Variants in SYNJ1 observed in about 807,000 individuals in gnomAD.
SYNJ1 encodes synaptojanin 1, also known as polyphosphatidylinositol phosphatase SYNJ1.
In SYNJ1, 78 loss-of-function variants were observed where a neutral mutation model predicts 168.2. The ratio of observed to expected loss-of-function variants is 0.46; its 90% CI spans 0.39 to 0.56. The LOEUF is 0.56. Among genes scored for constraint, SYNJ1 ranks in the 20% least tolerant of loss-of-function variants. The probability of loss-of-function intolerance (pLI) is 0.00; values close to 1 mark genes in which losing one functional copy is unlikely to be tolerated. For synonymous variants in SYNJ1, 539 were observed against 548.6 expected, an observed-to-expected ratio of 0.98 and a Z score of 0.24; for missense variants, 1,303 against 1,597.6, an observed-to-expected ratio of 0.82 and a Z score of 3.14.
rs1017765033 is a variant in SYNJ1, at chr21:32,643,463, T to C, written c.3431-6A>G. The C allele has an allele frequency of 2.5e-6, 4 of 1,613,454 alleles. No homozygotes were observed. The highest frequency in any genetic ancestry group is 3.4e-6 in the Non-Finnish European group (4 of 1,179,568). Reference sequence around the variant, plus strand: ...ACTGGGAGGGGCTCCAATACCTTTTTAGAGAAAGAACAGAAACTATATATT... The same window carrying C: ...ACTGGGAGGGGCTCCAATACCTTTTCAGAGAAAGAACAGAAACTATATATT... On this transcript the variant is annotated splice_polypyrimidine_tract_variant and splice_region_variant and intron_variant, in intron 26 of 32. Transcript: ENST00000674351.
At chr21:32,709,987 T>G (rs1369247198) in intron 2 of SYNJ1, among the ~76,000 whole-genome samples, 2 of 151,754 alleles carry the variant, frequency 1.3e-5, no homozygotes, top group Non-Finnish European at 2.9e-5. Flanking sequence ...TCACTTGAAG[T>G]CAGGAGTTTG....
At position 32,630,023 on chromosome 21, in the gene SYNJ1, T is replaced by C. The variant is rs1254920521; in HGVS notation, c.*1782A>G. The C allele has an allele frequency of 1.3e-5, 2 of 152,178 alleles. No individual in the cohort carries two copies. Among genetic ancestry groups the C allele is most frequent in the African/African-American group, 4.8e-5 (2 of 41,442 alleles). 9.4% of individuals were successfully genotyped at this position (152,178 alleles called of 1,614,324 possible). ...GAGCAAAAGCAGCAAAAAGAAAATATGGGAGGGATATGGGCAACGTATACT... is the reference window on the plus strand; with the variant it reads ...GAGCAAAAGCAGCAAAAAGAAAATACGGGAGGGATATGGGCAACGTATACT... On this transcript the variant is annotated 3_prime_UTR_variant, in exon 33 of 33. Transcript: ENST00000674351.
At chr21:32,705,321 G>A (rs1034063279) in intron 2 of SYNJ1, among the ~76,000 whole-genome samples, 6 of 152,058 alleles carry the variant, frequency 3.9e-5, no homozygotes, top group African/African-American at 9.7e-5. Context: ...ACAGCAATGC[G>A]CATACCTAGC....
intron 2 of SYNJ1, among the ~76,000 whole-genome samples, chr21:32,725,172 A>G (rs2043401269): frequency 6.6e-6 from 1 of 152,184 alleles, no homozygotes; most frequent in Non-Finnish European, 1.5e-5. Flanking sequence ...ATTATGAGTA[A>G]TCATAATTAA....
At position 32,657,138 on chromosome 21, in the gene SYNJ1, G is replaced by T. The variant is rs754406649; in HGVS notation, c.2462-18C>A. ...ATCTTCAGCTGCAGTCAGAAGAAAT[G>T]AAAACACAAGAGAAGCTGTATAAGC... On this transcript the variant is annotated intron_variant, in intron 19 of 32. Coordinates refer to ENST00000674351, the MANE Select transcript of SYNJ1 (RefSeq NM_203446.3). 1.3e-5 allele frequency: 20 copies of T among 1,494,712 alleles called. No homozygotes were observed. The South Asian group carries it at 2.1e-4, about 16-fold the overall frequency. 92.6% of individuals were successfully genotyped at this position (1,494,712 alleles called of 1,614,324 possible). A position where few individuals can be genotyped will look rare whatever the true frequency, so the allele number is the denominator to read the frequency against.
At chr21:32,674,264 G>C (rs1363530706) in intron 13 of SYNJ1, among the ~76,000 whole-genome samples, 2 of 152,126 alleles carry the variant, frequency 1.3e-5, no homozygotes, top group Non-Finnish European at 2.9e-5. Flanking sequence ...CTTTGCACTG[G>C]CTGTGCCCAC....
intron 14 of SYNJ1, among the ~76,000 whole-genome samples, chr21:32,672,059 C>CAAAAAAAAAA (rs1160074724): frequency 1.2e-4 from 3 of 24,666 alleles, no homozygotes; most frequent in African/African-American, 1.8e-4. Context: ...AACTCAATCT[C>CAAAAAAAAAA]AAAAAAAAAA....
In SYNJ1 at chr21:32,631,239, T is replaced by C. The variant is rs2145656065; in HGVS notation, c.*566A>G. The C allele has an allele frequency of 6.2e-7, 1 of 1,614,226 alleles. No individual in the cohort carries two copies. On this transcript the variant is annotated 3_prime_UTR_variant, in exon 33 of 33. Transcript: ENST00000674351. The stretch of plus-strand genomic sequence containing the variant: ...TGAACAAGCTGACTTTGACTTCCCT[T>C]TCACACCAAAATCCTCTTCTTCCTC...
At chr21:32,693,724 AC>A (rs1226975929) in intron 6 of SYNJ1, among the ~76,000 whole-genome samples, 1 of 152,182 alleles carries the variant, frequency 6.6e-6, no homozygotes, top group Non-Finnish European at 1.5e-5. Context: ...AATCCTTACA[AC>A]AACCCTATAA....
chr21:32,645,562 C>T, intron 25 of SYNJ1, 84 bp downstream of exon 25: 1 of 1,412,560 alleles, frequency 7.1e-7, no homozygotes, highest in Non-Finnish European at 9.2e-7. Flanking sequence ...AATCCAGAAG[C>T]TAGAGATTGG....
At chr21:32,676,449 C>T in intron 12 of SYNJ1, 94 bp from the exon 13 acceptor site, 5 of 1,198,958 alleles carry the variant, frequency 4.2e-6, no homozygotes, top group Non-Finnish European at 6.0e-6. Flanking sequence ...TTGAGAAGAC[C>T]TCACTTAAGT....
At chr21:32,666,212 TA>T (rs2040924458) in intron 16 of SYNJ1, 77 bp from the exon 17 acceptor site, 1 of 1,499,886 alleles carries the variant, frequency 6.7e-7, no homozygotes, top group African/African-American at 1.4e-5. Flanking sequence ...GGAATATACA[TA>T]ATCATTTAAG....
rs113457201 is a variant in SYNJ1, at chr21:32,639,430, T to G, written c.3697+241A>C. Among the ~76,000 whole-genome samples the G allele has an allele frequency of 7.2e-5, 11 of 152,316 alleles. 1 individual carries two copies. Among genetic ancestry groups the G allele is most frequent in the African/African-American group, 2.6e-4 (11 of 41,562 alleles). On this transcript the variant is annotated intron_variant, in intron 30 of 32. Transcript: ENST00000674351. ...TTTTTGAGACAGGGTCTTGTTCTTT[T>G]GCCCAGGCTGGAGTGCAGTGGTGTG...
intron 22 of SYNJ1, among the ~76,000 whole-genome samples, chr21:32,650,607 A>G (rs182049957): frequency 6.6e-6 from 1 of 152,364 alleles, no homozygotes; most frequent in East Asian, 1.9e-4. Context: ...TTCCTTTGCT[A>G]CAACCACTAT....
At chr21:32,688,156 G>A (rs746180297) in intron 7 of SYNJ1, 150 bp downstream of exon 7, 82 of 688,886 alleles carry the variant, frequency 1.2e-4, no homozygotes, top group African/African-American at 8.7e-4. Context: ...CCCAGAAGTC[G>A]TAACACTAGG....
rs2039251373 is a variant in SYNJ1, at chr21:32,629,771, A to C, written c.*2034T>G. On this transcript the variant is annotated 3_prime_UTR_variant, in exon 33 of 33. Coordinates refer to ENST00000674351, the MANE Select transcript of SYNJ1 (RefSeq NM_203446.3). The stretch of plus-strand genomic sequence containing the variant: ...ATATCAAAATACTACATTCTGTAAA[A>C]ATTCTGTGTACTTCTTCAAAAAATT... 6.6e-6 allele frequency: 1 copy of C among 152,384 alleles called. No homozygotes were observed. The highest frequency in any genetic ancestry group is 1.5e-5 in the Non-Finnish European group (1 of 68,046). The allele number at this position is 152,384 out of a possible 1,614,324, so 9.4% of individuals were successfully genotyped here. A position where few individuals can be genotyped will look rare whatever the true frequency, so the allele number is the denominator to read the frequency against.
At chr21:32,651,818 TA>T (rs530057748) in intron 22 of SYNJ1, among the ~76,000 whole-genome samples, 189 of 152,354 alleles carry the variant, frequency 1.2e-3, no homozygotes, top group Non-Finnish European at 2.1e-3. Context: ...TTTGGTTTAA[TA>T]AATGTATATA....
chr21:32,670,417 C>T, intron 14 of SYNJ1, 45 bp from the exon 15 acceptor site: 2 of 1,433,148 alleles, frequency 1.4e-6, no homozygotes, highest in Non-Finnish European at 2.0e-6. Context: ...TAGCCTCAGG[C>T]AAATAGCAAC....
chr21:32,651,961 A>G (rs2040285878), intron 22 of SYNJ1, among the ~76,000 whole-genome samples: 2 of 152,246 alleles, frequency 1.3e-5, no homozygotes, highest in Non-Finnish European at 2.9e-5. Context: ...GCGTATATGC[A>G]TATCCCATTT....
Sources: allele counts gnomAD v4.1 joint callset (sites outside exome capture counted in the v4.1 genomes callset), GRCh38; gene constraint gnomAD v4.1.1; transcripts MANE v1.5; gene names NCBI Gene and HGNC (gene_info 2026-07-23, HGNC 2026-07-21).